Variants in MCC observed in about 807,000 individuals in gnomAD.
MCC encodes colorectal mutant cancer protein.
A neutral mutation model predicts 116.2 loss-of-function variants in MCC; 90 were observed. That is an observed-to-expected ratio of 0.77 (90% CI 0.65 to 0.92). The LOEUF (loss-of-function observed/expected upper bound fraction) is 0.92. Among genes scored for constraint, MCC ranks in the 40% least tolerant of loss-of-function variants. The pLI is 0.00. For synonymous variants in MCC, 578 were observed against 510.5 expected (o/e 1.13, Z -1.78); for missense variants, 1,516 against 1,312.2 (o/e 1.16, Z -2.40).
At chr5:113,415,396 A>G (rs1292659085) in intron 1 of MCC, among the ~76,000 whole-genome samples, 1 of 152,192 alleles carries the variant, frequency 6.6e-6, no homozygotes, top group African/African-American at 2.4e-5. Context: ...CGTCACTTTC[A>G]GGTACACCAA....
chr5:113,120,340 T>C (rs190650934), intron 6 of MCC, among the ~76,000 whole-genome samples: 7 of 152,308 alleles, frequency 4.6e-5, no homozygotes, highest in Admixed American at 2.6e-4. Context: ...TTCAGTTTAG[T>C]TGGGGGAAGT....
Position 113,488,274 on chromosome 5 carries a change from G to A in MCC, c.141C>T (p.Cys47=), listed in dbSNP as rs1772604234. 6.9e-6 allele frequency: 11 copies of A among 1,595,258 alleles called. No individual in the cohort carries two copies. The highest frequency in any genetic ancestry group is 6.6e-5 in the South Asian group (6 of 90,332). Reference sequence around the variant, plus strand: ...TGATGTATCCGTCCCCGTCGCCGTCGCACGTCTGGAAGAGGCGCCGCATCC... The same window carrying A: ...TGATGTATCCGTCCCCGTCGCCGTCACACGTCTGGAAGAGGCGCCGCATCC... ...EERMRRLFQT[C]DGDGDGYISR... The change falls in exon 1 of 19, where the codon TGC becomes TGT. Residue 47 remains cysteine (C), a synonymous_variant. Coordinates refer to ENST00000408903, the MANE Select transcript of MCC (RefSeq NM_001085377.2).
intron 3 of MCC, among the ~76,000 whole-genome samples, chr5:113,217,771 G>A (rs1037962904): frequency 4.6e-5 from 7 of 151,156 alleles, no homozygotes; most frequent in African/African-American, 1.5e-4. Flanking sequence ...GAGTGAAACC[G>A]GAGAACTCAG....
chr5:113,440,818 T>C (rs1432478695), intron 1 of MCC, among the ~76,000 whole-genome samples: 1 of 152,200 alleles, frequency 6.6e-6, no homozygotes, highest in Non-Finnish European at 1.5e-5. Context: ...TCGGGGATTA[T>C]ATCAGAAGTT....
chr5:113,353,805 A>C (rs1232462373), intron 2 of MCC, among the ~76,000 whole-genome samples: 1 of 152,234 alleles, frequency 6.6e-6, no homozygotes, highest in African/African-American at 2.4e-5. Flanking sequence ...GATACCTATC[A>C]ACTGACATAG....
intron 3 of MCC, among the ~76,000 whole-genome samples, chr5:113,307,295 C>T (rs538614677): frequency 6.6e-6 from 1 of 152,240 alleles, no homozygotes; most frequent in African/African-American, 2.4e-5. Flanking sequence ...GGTGTCTTTT[C>T]GTTTACTTAA....
chr5:113,331,296 G>A (rs1338847737), intron 3 of MCC, among the ~76,000 whole-genome samples: 21 of 151,746 alleles, frequency 1.4e-4, no homozygotes, highest in Non-Finnish European at 1.5e-5. Context: ...AGCCAGTACC[G>A]CTGAGCAGAG....
At chr5:113,035,391 T>A (rs1406184719) in intron 17 of MCC, among the ~76,000 whole-genome samples, 3 of 152,232 alleles carry the variant, frequency 2.0e-5, no homozygotes, top group African/African-American at 7.2e-5. Flanking sequence ...AACTGGTTTC[T>A]CTGTCTCCTC....
intron 2 of MCC, among the ~76,000 whole-genome samples, chr5:113,356,870 C>T (rs1768427395): frequency 6.6e-6 from 1 of 152,236 alleles, no homozygotes; most frequent in South Asian, 2.1e-4. Context: ...GGACCAGATA[C>T]TGTACTAAGC....
chr5:113,240,165 C>G (rs533986485), intron 3 of MCC, among the ~76,000 whole-genome samples: 1 of 152,252 alleles, frequency 6.6e-6, no homozygotes, highest in East Asian at 1.9e-4. Context: ...TTCTGTGTGA[C>G]TGCATAGGGA....
intron 3 of MCC, among the ~76,000 whole-genome samples, chr5:113,335,508 T>C (rs1767848830): frequency 6.6e-6 from 1 of 151,766 alleles, no homozygotes; most frequent in South Asian, 2.1e-4. Flanking sequence ...CTGTTACGTT[T>C]TATGTTTTAG....
intron 1 of MCC, among the ~76,000 whole-genome samples, chr5:113,452,646 G>A (rs937715468): frequency 1.3e-5 from 2 of 152,196 alleles, no homozygotes; most frequent in African/African-American, 4.8e-5. Context: ...TTTTGTTACA[G>A]CAGCCTAAAC....
intron 2 of MCC, among the ~76,000 whole-genome samples, chr5:113,384,689 T>C (rs375780032): frequency 1.1e-4 from 17 of 152,358 alleles, no homozygotes; most frequent in Admixed American, 3.9e-4. Flanking sequence ...CTACCTTTCT[T>C]ATGCATTTGC....
At chr5:113,337,309 T>C (rs561189149) in intron 3 of MCC, among the ~76,000 whole-genome samples, 34 of 152,348 alleles carry the variant, frequency 2.2e-4, no homozygotes, top group Middle Eastern at 3.4e-3. Context: ...TGATACCTGA[T>C]GAGTCTTGCA....
At position 113,023,507 on chromosome 5, in the gene MCC, T is replaced by C. The variant is rs932616338; in HGVS notation, c.*3795A>G. 1.3e-5 allele frequency: 2 copies of C among 152,354 alleles called. No individual in the cohort carries two copies. The highest frequency in any genetic ancestry group is 4.8e-5 in the African/African-American group (2 of 41,476). 9.4% of individuals were successfully genotyped at this position (152,354 alleles called of 1,614,324 possible). ...CCTCCCCAGCCCTCACTAAAAACTT[T>C]GGTAGCCCTATGGCGGTACCCTAAT... is the stretch of plus-strand genomic sequence containing the variant. On this transcript the variant is annotated 3_prime_UTR_variant, in exon 19 of 19. Transcript: ENST00000408903.
At chr5:113,088,876 T>C (rs7719446) in intron 8 of MCC, among the ~76,000 whole-genome samples, 29 of 152,292 alleles carry the variant, frequency 1.9e-4, no homozygotes, top group African/African-American at 6.5e-4. Flanking sequence ...CTCAATCTCA[T>C]GGGCTCAAGA....
intron 3 of MCC, among the ~76,000 whole-genome samples, chr5:113,186,134 T>G (rs1223687164): frequency 1.3e-5 from 2 of 152,204 alleles, no homozygotes; most frequent in Non-Finnish European, 2.9e-5. Flanking sequence ...GGTATTAACA[T>G]GCCTGTGCGG....
intron 1 of MCC, among the ~76,000 whole-genome samples, chr5:113,443,035 G>A (rs1488591583): frequency 6.6e-6 from 1 of 150,942 alleles, no homozygotes; most frequent in Admixed American, 6.6e-5. Context: ...ATTCTGTGAA[G>A]AAAGTCAATG....
At chr5:113,338,182 A>G (rs1323428280) in intron 3 of MCC, among the ~76,000 whole-genome samples, 1 of 152,232 alleles carries the variant, frequency 6.6e-6, no homozygotes, top group East Asian at 1.9e-4. Flanking sequence ...TAGTCATAGG[A>G]CTTCAGTGCC....
Sources: gnomAD v4.1 joint callset for allele counts (sites outside exome capture counted in the v4.1 genomes callset) on GRCh38, gnomAD v4.1.1 for gene constraint, MANE v1.5 for transcripts, NCBI Gene and HGNC (gene_info 2026-07-23, HGNC 2026-07-21) for gene names.